The following EDIL3 variants were observed in gnomAD, a reference collection of about 807,000 sequenced individuals.
The protein encoded by EDIL3 is EGF like and discoidin domains 3, also known as EGF-like repeat and discoidin I-like domain-containing protein 3.
A neutral mutation model predicts 67.4 loss-of-function variants in EDIL3; 37 were observed. The ratio of observed to expected loss-of-function variants is 0.55; its 90% CI spans 0.42 to 0.72. The LOEUF is 0.72. EDIL3 is among the 30% of genes least tolerant of loss of function. The pLI, the probability that EDIL3 is intolerant of heterozygous loss-of-function variation, is 0.00. For missense variants in EDIL3, 527 were observed against 586.3 expected, an observed-to-expected ratio of 0.90 and a Z score of 1.04; for synonymous variants, 195 against 196.3, an observed-to-expected ratio of 0.99 and a Z score of 0.05.
At chr5:84,312,773 AC>A (rs1224561340) in intron 1 of EDIL3, among the ~76,000 whole-genome samples, 1 of 152,224 alleles carries the variant, frequency 6.6e-6, no homozygotes, top group Non-Finnish European at 1.5e-5. Flanking sequence ...TAATTAAATT[AC>A]AATTTTTGTC....
At chr5:84,145,165 A>G (rs1748270497) in intron 4 of EDIL3, among the ~76,000 whole-genome samples, 1 of 152,180 alleles carries the variant, frequency 6.6e-6, no homozygotes, top group African/African-American at 2.4e-5. Context: ...TTAGAGCATT[A>G]TGTACAAAAT....
At chr5:84,024,540 A>C (rs1181600927) in intron 9 of EDIL3, among the ~76,000 whole-genome samples, 1 of 152,152 alleles carries the variant, frequency 6.6e-6, no homozygotes, top group East Asian at 1.9e-4. Flanking sequence ...TTGACCCCAC[A>C]GTAAGGGTGA....
chr5:84,266,366 C>G (rs1561239891), intron 1 of EDIL3, among the ~76,000 whole-genome samples: 2 of 152,166 alleles, frequency 1.3e-5, no homozygotes, highest in African/African-American at 4.8e-5. Flanking sequence ...CTTTATGCAG[C>G]TCTAACCCAA....
intron 6 of EDIL3, among the ~76,000 whole-genome samples, chr5:84,075,890 GCACACACACACA>G (rs10530772): frequency 1.4e-5 from 2 of 144,970 alleles, no homozygotes; most frequent in African/African-American, 2.5e-5. Flanking sequence ...AAGTGTGCAC[GCACACACACACA>G]CACACACACA....
At chr5:84,356,175 A>T (rs910644940) in intron 1 of EDIL3, among the ~76,000 whole-genome samples, 3 of 152,052 alleles carry the variant, frequency 2.0e-5, no homozygotes, top group African/African-American at 7.3e-5. Context: ...AGCAAAAGAA[A>T]CAAACCTTTG....
At chr5:83,978,955 T>C (rs776271971) in intron 9 of EDIL3, among the ~76,000 whole-genome samples, 13 of 152,122 alleles carry the variant, frequency 8.5e-5, no homozygotes, top group Non-Finnish European at 7.4e-5. Context: ...CATTTTACTA[T>C]ATTAAAATGA....
At chr5:84,366,168 A>G (rs563878140) in intron 1 of EDIL3, among the ~76,000 whole-genome samples, 1 of 152,326 alleles carries the variant, frequency 6.6e-6, no homozygotes, top group East Asian at 1.9e-4. Context: ...CAGTTTATTA[A>G]CCAATTATTT....
At chr5:84,335,014 A>G (rs1174383680) in intron 1 of EDIL3, among the ~76,000 whole-genome samples, 2 of 152,136 alleles carry the variant, frequency 1.3e-5, no homozygotes, top group East Asian at 3.9e-4. Flanking sequence ...ATAATTCCAA[A>G]TTGCCTGTAG....
chr5:84,037,659 A>G (rs1746045032), intron 9 of EDIL3, among the ~76,000 whole-genome samples: 1 of 152,170 alleles, frequency 6.6e-6, no homozygotes, highest in African/African-American at 2.4e-5. Flanking sequence ...TTAATTAATG[A>G]CGTTATTTAT....
At chr5:84,016,826 T>C (rs141197956) in intron 9 of EDIL3, among the ~76,000 whole-genome samples, 19 of 152,282 alleles carry the variant, frequency 1.2e-4, no homozygotes, top group African/African-American at 4.1e-4. Flanking sequence ...TAAGGGATAC[T>C]TACTCTGCCT....
chr5:84,347,166 GTT>G (rs1477973906), intron 1 of EDIL3, among the ~76,000 whole-genome samples: 1 of 152,130 alleles, frequency 6.6e-6, no homozygotes, highest in Non-Finnish European at 1.5e-5. Flanking sequence ...TTGTCCACAT[GTT>G]CTGTCCTAGG....
At chr5:84,294,068 A>G (rs1745983427) in intron 1 of EDIL3, among the ~76,000 whole-genome samples, 2 of 152,044 alleles carry the variant, frequency 1.3e-5, no homozygotes, top group South Asian at 2.1e-4. Flanking sequence ...TCATTATTGC[A>G]TATACCATAA....
In EDIL3 at chr5:84,269,588, T is replaced by C. The variant is rs575239364; in HGVS notation, c.68-15376A>G. 1.2e-4 allele frequency among the ~76,000 whole-genome samples: 19 copies of C among 152,266 alleles called. No individual in the cohort carries two copies. The South Asian group carries it at 3.7e-3, about 30-fold the overall frequency. ...TCATATGATTTCTGTTTCTCCACAATAGTAATTTTGCAAGGTTGGCTCTAA... is the reference window on the plus strand; with the variant it reads ...TCATATGATTTCTGTTTCTCCACAACAGTAATTTTGCAAGGTTGGCTCTAA... On this transcript the variant is annotated intron_variant, in intron 1 of 10. Coordinates refer to ENST00000296591, the MANE Select transcript of EDIL3 (RefSeq NM_005711.5).
At chr5:84,124,387 C>T (rs1013494786) in intron 5 of EDIL3, among the ~76,000 whole-genome samples, 1 of 151,780 alleles carries the variant, frequency 6.6e-6, no homozygotes, top group African/African-American at 2.4e-5. Context: ...TTGTGGTTCC[C>T]AAGTATTCCT....
intron 6 of EDIL3, among the ~76,000 whole-genome samples, chr5:84,105,518 T>C (rs981442293): frequency 6.6e-6 from 1 of 152,062 alleles, no homozygotes; most frequent in African/African-American, 2.4e-5. Context: ...AGTTCTTGTA[T>C]AGTACACCTA....
At chr5:84,097,887 C>T (rs935738096) in intron 6 of EDIL3, among the ~76,000 whole-genome samples, 2 of 152,018 alleles carry the variant, frequency 1.3e-5, no homozygotes, top group Non-Finnish European at 2.9e-5. Context: ...GGCTGACCCT[C>T]AGTTAGTTAG....
chr5:84,173,541 T>C (rs1748849370), intron 4 of EDIL3, among the ~76,000 whole-genome samples: 1 of 151,552 alleles, frequency 6.6e-6, no homozygotes, highest in Non-Finnish European at 1.5e-5. Context: ...CACTGTAGAA[T>C]TGGTGGAGCT....
intron 9 of EDIL3, among the ~76,000 whole-genome samples, chr5:83,966,089 C>T (rs1480728246): frequency 6.6e-6 from 1 of 152,082 alleles, no homozygotes; most frequent in African/African-American, 2.4e-5. Context: ...TAGGACCGCT[C>T]TGCCCTCTTG....
chr5:84,366,396 G>T (rs1747734701), intron 1 of EDIL3, among the ~76,000 whole-genome samples: 1 of 152,116 alleles, frequency 6.6e-6, no homozygotes, highest in Non-Finnish European at 1.5e-5. Flanking sequence ...TTTTACACAT[G>T]AGAAAACCAA....
Sources: allele counts gnomAD v4.1 joint callset (sites outside exome capture counted in the v4.1 genomes callset), GRCh38; gene constraint gnomAD v4.1.1; transcripts MANE v1.5; gene names NCBI Gene and HGNC (gene_info 2026-07-23, HGNC 2026-07-21).